DSG4: variants seen among roughly 807,000 people sequenced by gnomAD.
DSG4 encodes the protein desmoglein-4.
Under a neutral mutation model 93.1 loss-of-function variants are expected in DSG4, and 87 were observed. The ratio of observed to expected loss-of-function variants is 0.93; its 90% CI spans 0.79 to 1.12. DSG4 has a LOEUF of 1.12. Among genes scored for constraint, DSG4 ranks in the 50% most tolerant of loss-of-function variants. DSG4 has a pLI of 0.00. For synonymous variants in DSG4, 432 were observed against 452.9 expected (o/e 0.95, Z 0.59); for missense variants, 1,373 against 1,285.7 (o/e 1.07, Z -1.04).
At chr18:31,397,478 G>T (rs2072318203) in intron 8 of DSG4, among the ~76,000 whole-genome samples, 1 of 152,040 alleles carries the variant, frequency 6.6e-6, no homozygotes, top group South Asian at 2.1e-4. Context: ...TGACTAAAGG[G>T]CCCCACTTGC....
At chr18:31,379,725 T>C (rs1191260472) in intron 1 of DSG4, among the ~76,000 whole-genome samples, 1 of 152,300 alleles carries the variant, frequency 6.6e-6, no homozygotes, top group South Asian at 2.1e-4. Context: ...GAAAACATAT[T>C]TAAAATTAAC....
chr18:31,411,082 C>G lies in DSG4; in HGVS notation c.2138-149C>G, dbSNP rs1329681126. ...TTGGTCAACAAGCCTGGAGATGTATCGGTGTAACTTGTATCTCTCTTTGTC... is the reference window on the plus strand; with the variant it reads ...TTGGTCAACAAGCCTGGAGATGTATGGGTGTAACTTGTATCTCTCTTTGTC... On this transcript the variant is annotated intron_variant, in intron 14 of 15. Coordinates refer to ENST00000308128, the MANE Select transcript of DSG4 (RefSeq NM_177986.5). 3 of 1,555,186 alleles carry G rather than the reference C, an allele frequency of 1.9e-6. No individual in the cohort carries two copies. The African/African-American group carries it at 4.1e-5, about 21-fold the overall frequency.
intron 1 of DSG4, among the ~76,000 whole-genome samples, chr18:31,384,752 T>C (rs2072169714): frequency 6.6e-6 from 1 of 152,180 alleles, no homozygotes; most frequent in African/African-American, 2.4e-5. Context: ...TGTGTTCTTG[T>C]TTCACCCTGG....
At chr18:31,391,292 G>A in intron 7 of DSG4, 80 bp downstream of exon 7, 1 of 1,586,542 alleles carries the variant, frequency 6.3e-7, no homozygotes, top group South Asian at 1.1e-5. Context: ...AATCATGCTG[G>A]CTCATGAGCC....
intron 3 of DSG4, among the ~76,000 whole-genome samples, chr18:31,387,445 C>T (rs2072200211): frequency 6.6e-6 from 1 of 152,102 alleles, no homozygotes; most frequent in East Asian, 1.9e-4. Flanking sequence ...TAAGCATCAG[C>T]AGTGGTGTTA....
chr18:31,388,290 C>T, intron 3 of DSG4, 77 bp from the exon 4 acceptor site: 1 of 1,540,556 alleles, frequency 6.5e-7, no homozygotes, highest in Non-Finnish European at 8.9e-7. Flanking sequence ...AAGAAACCCA[C>T]TCCCTTCTTA....
intron 2 of DSG4, 33 bp from the exon 3 acceptor site, chr18:31,386,655 C>T (rs1173975119): frequency 1.2e-6 from 2 of 1,611,806 alleles, no homozygotes; most frequent in Admixed American, 1.7e-5. Flanking sequence ...ATTGTTCTCA[C>T]ACTGTAAGAC....
chr18:31,378,560 C>CT (rs1471047725), intron 1 of DSG4, among the ~76,000 whole-genome samples: 6 of 152,084 alleles, frequency 3.9e-5, no homozygotes, highest in Non-Finnish European at 7.4e-5. Flanking sequence ...CTCTCAGGAT[C>CT]TTTTTTTGGT....
At chr18:31,399,176 C>T in intron 8 of DSG4, 96 bp from the exon 9 acceptor site, 1 of 1,514,396 alleles carries the variant, frequency 6.6e-7, no homozygotes. Flanking sequence ...TCTCCTGGAC[C>T]TTATTCTAGT....
intron 8 of DSG4, among the ~76,000 whole-genome samples, chr18:31,398,210 C>T (rs755145173): frequency 2.0e-5 from 3 of 152,018 alleles, no homozygotes; most frequent in African/African-American, 4.8e-5. Flanking sequence ...TGGTCTATTA[C>T]GTGGACCAGT....
intron 8 of DSG4, 51 bp from the exon 9 acceptor site, chr18:31,399,221 C>T (rs976499394): frequency 3.7e-6 from 6 of 1,608,252 alleles, no homozygotes; most frequent in Non-Finnish European, 5.1e-6. Flanking sequence ...CTTACTTTAT[C>T]GAAAGAGAGT....
At chr18:31,396,106 G>T (rs907144201) in intron 8 of DSG4, among the ~76,000 whole-genome samples, 1 of 151,714 alleles carries the variant, frequency 6.6e-6, no homozygotes, top group Non-Finnish European at 1.5e-5. Flanking sequence ...ATATGAAAAC[G>T]CAAGCAATAA....
chr18:31,392,135 A>C lies in DSG4; in HGVS notation c.820-20A>C. 6.2e-7 allele frequency: 1 copy of C among 1,612,860 alleles called. No homozygotes were observed. Among genetic ancestry groups the C allele is most frequent in the Non-Finnish European group, 8.5e-7 (1 of 1,179,208 alleles). On this transcript the variant is annotated intron_variant, in intron 7 of 15. Coordinates refer to ENST00000308128, the MANE Select transcript of DSG4 (RefSeq NM_177986.5). ...TCTTTTGAAAATTCATTGACTACAA[A>C]ATTGATCCTTGCATTTTAGTACTCA... is the stretch of plus-strand genomic sequence containing the variant.
chr18:31,391,276 A>G (rs1264451320), intron 7 of DSG4, 64 bp downstream of exon 7: 4 of 1,603,030 alleles, frequency 2.5e-6, no homozygotes, highest in African/African-American at 1.3e-5. Flanking sequence ...ATAAGTGTCA[A>G]TAATCAATCA....
At chr18:31,400,649 C>G (rs17660078) in intron 9 of DSG4, among the ~76,000 whole-genome samples, 1 of 151,964 alleles carries the variant, frequency 6.6e-6, no homozygotes, top group Non-Finnish European at 1.5e-5. Context: ...AACAATTATC[C>G]TAGGAGCCAG....
Position 31,386,594 on chromosome 18 carries a change from T to A in DSG4, c.85-94T>A, listed in dbSNP as rs919657160. 9.7e-6 allele frequency: 15 copies of A among 1,554,224 alleles called. No homozygotes were observed. The Admixed American group carries it at 1.9e-4, about 19-fold the overall frequency. The stretch of plus-strand genomic sequence containing the variant: ...CTGTTCTTCAAATTCAATATCACTG[T>A]TTCTTCTAAATGCACCTTACAATAT... On this transcript the variant is annotated intron_variant, in intron 2 of 15. Coordinates refer to ENST00000308128, the MANE Select transcript of DSG4 (RefSeq NM_177986.5).
chr18:31,410,894 G>C (rs914851125), intron 14 of DSG4, among the ~76,000 whole-genome samples: 1 of 152,178 alleles, frequency 6.6e-6, no homozygotes, highest in African/African-American at 2.4e-5. Flanking sequence ...GCTTTGGAGG[G>C]CTCCCGGCTG....
intron 14 of DSG4, among the ~76,000 whole-genome samples, chr18:31,410,467 A>G (rs1024816664): frequency 6.6e-6 from 1 of 150,728 alleles, no homozygotes; most frequent in Non-Finnish European, 1.5e-5. Flanking sequence ...CACAAAATAT[A>G]CGTTAGAGTA....
intron 8 of DSG4, among the ~76,000 whole-genome samples, chr18:31,393,735 CATT>C (rs1398301336): frequency 6.6e-6 from 1 of 152,098 alleles, no homozygotes; most frequent in Admixed American, 6.6e-5. Context: ...ATTAGGAAGC[CATT>C]TAGCCTTCTG....
Sources: gnomAD v4.1 joint callset for allele counts (sites outside exome capture counted in the v4.1 genomes callset) on GRCh38, gnomAD v4.1.1 for gene constraint, MANE v1.5 for transcripts, NCBI Gene and HGNC (gene_info 2026-07-23, HGNC 2026-07-21) for gene names.